Variants in MMP24 observed in about 807,000 individuals in gnomAD.
MMP24 encodes matrix metallopeptidase 24.
A neutral mutation model predicts 62.8 loss-of-function variants in MMP24; 25 were observed. The ratio of observed to expected loss-of-function variants is 0.40; its 90% CI spans 0.29 to 0.56. MMP24 has a LOEUF of 0.56. Among genes scored for constraint, MMP24 ranks in the 20% least tolerant of loss-of-function variants. The probability of loss-of-function intolerance (pLI) is 0.50; values close to 1 mark genes in which losing one functional copy is unlikely to be tolerated. For missense variants in MMP24, 634 were observed against 853.6 expected (o/e 0.74, Z 3.21); for synonymous variants, 319 against 350.5 (o/e 0.91, Z 1.00).
chr20:35,274,110 G>A lies in MMP24; in HGVS notation c.1601-162G>A, dbSNP rs972642657. 3.3e-5 allele frequency among the ~76,000 whole-genome samples: 5 copies of A among 152,160 alleles called. No individual in the cohort carries two copies. The highest frequency in any genetic ancestry group is 1.2e-4 in the African/African-American group (5 of 41,446). ...CTCCAGGTCCCGGGTGCCCCCCTCT[G>A]CAGCTTCTTACTCCATGACTCAGCC... On this transcript the variant is annotated intron_variant, in intron 8 of 8. Transcript: ENST00000246186. This position sits in a 1 kb window ranked among gnomAD's most constrained non-coding sequence, Gnocchi z 5.1.
chr20:35,254,516 T>A lies in MMP24; in HGVS notation c.579T>A (p.Asp193Glu). The change falls in exon 4 of 9, where the codon GAT becomes GAA. Residue 193 changes from aspartate (D) to glutamate (E), a missense_variant. This residue lies in a region of MMP24 where 212 missense variants were observed against 259.6 expected (regional missense o/e 0.82). Coordinates refer to ENST00000246186, the MANE Select transcript of MMP24 (RefSeq NM_006690.4). ...GGAAAGCTATTCGCCAGGCTTTCGA[T>A]GTGTGGCAGAAGGTGACCCCACTGA... ...DTRKAIRQAFDVWQKVTPLTF... is the reference protein window; with the variant it reads ...DTRKAIRQAFEVWQKVTPLTF... 1 of 1,614,062 alleles carries A rather than the reference T, an allele frequency of 6.2e-7. No individual in the cohort carries two copies. Among genetic ancestry groups the A allele is most frequent in the Non-Finnish European group, 8.5e-7 (1 of 1,179,900 alleles).
intron 2 of MMP24, among the ~76,000 whole-genome samples, chr20:35,249,992 C>A (rs562003569): frequency 1.3e-5 from 2 of 152,020 alleles, no homozygotes; most frequent in African/African-American, 4.8e-5. Context: ...AGGTCTGACT[C>A]CCCTCACCCA....
At chr20:35,253,141 T>G (rs979828445) in intron 3 of MMP24, among the ~76,000 whole-genome samples, 5 of 152,178 alleles carry the variant, frequency 3.3e-5, no homozygotes, top group Non-Finnish European at 4.4e-5. Flanking sequence ...GGGTGCTGGC[T>G]GGCACTTCTC....
At position 35,266,175 on chromosome 20, in the gene MMP24, T is replaced by TTA. The variant is rs771720633; in HGVS notation, c.980-1030_980-1029insTA. Among the ~76,000 whole-genome samples, 340 of 43,036 alleles carry TTA rather than the reference T, an allele frequency of 7.9e-3. 12 individuals carry two copies. Among genetic ancestry groups the TTA allele is most frequent in the African/African-American group, 0.033 (321 of 9,848 alleles). The allele number at this position is 43,036 out of a possible 152,430, so 28.2% of individuals were successfully genotyped here. On this transcript the variant is annotated intron_variant, in intron 5 of 8. Transcript: ENST00000246186. ...CAACATGGTGAAACCCCATCTCTGCTAAAAAAAAAAAAAAAAAAAAAAAAA... is the reference window on the plus strand; with the variant it reads ...CAACATGGTGAAACCCCATCTCTGCTTAAAAAAAAAAAAAAAAAAAAAAAAAA...
chr20:35,272,040 G>T, intron 8 of MMP24: 2 of 621,754 alleles, frequency 3.2e-6, no homozygotes, highest in South Asian at 4.0e-5. Context: ...CTGCAGGAAT[G>T]ATTCACGGCA....
intron 6 of MMP24, chr20:35,268,081 T>C (rs1348556631): frequency 6.6e-6 from 1 of 152,444 alleles, no homozygotes; most frequent in East Asian, 1.9e-4. Flanking sequence ...AGAGGTTAAG[T>C]GGCAACAGAG....
intron 4 of MMP24, among the ~76,000 whole-genome samples, chr20:35,260,745 T>C (rs2060598361): frequency 6.6e-6 from 1 of 152,204 alleles, no homozygotes; most frequent in African/African-American, 2.4e-5. Flanking sequence ...CCATCCCCCT[T>C]CCTTTCCGTT....
At chr20:35,259,347 C>T (rs1323724640) in intron 4 of MMP24, among the ~76,000 whole-genome samples, 1 of 152,108 alleles carries the variant, frequency 6.6e-6, no homozygotes, top group Non-Finnish European at 1.5e-5. Flanking sequence ...GTGCTTTTGG[C>T]GCTGTTCCAT....
rs150950150 is a variant in MMP24 at position 35,273,859 on chromosome 20, G to A, written c.1601-413G>A. On this transcript the variant is annotated intron_variant, in intron 8 of 8. Coordinates refer to ENST00000246186, the MANE Select transcript of MMP24 (RefSeq NM_006690.4). ...CAGAGAGGTCTTGCTGTCAACACAA[G>A]GTGAAATCTTGCTCCCTGCCTCCCT... Among the ~76,000 whole-genome samples the A allele has an allele frequency of 1.6e-4, 24 of 152,342 alleles. No individual in the cohort carries two copies. In the East Asian group the frequency reaches 3.7e-3, roughly 23 times the overall value.
chr20:35,228,506 C>T (rs1292632992), intron 1 of MMP24, among the ~76,000 whole-genome samples: 2 of 152,064 alleles, frequency 1.3e-5, no homozygotes, highest in Admixed American at 1.3e-4. Flanking sequence ...GTGGAAAGAC[C>T]CTGGCCTGGG....
chr20:35,261,760 T>C (rs2060603971), intron 4 of MMP24, among the ~76,000 whole-genome samples: 1 of 151,596 alleles, frequency 6.6e-6, no homozygotes, highest in Admixed American at 6.6e-5. Context: ...ACTTGCTCTC[T>C]TTGTCCCCAC....
intron 2 of MMP24, among the ~76,000 whole-genome samples, chr20:35,247,274 A>C (rs1330161755): frequency 6.6e-6 from 1 of 152,172 alleles, no homozygotes; most frequent in Non-Finnish European, 1.5e-5. Context: ...ATGGGGTCTT[A>C]AATCCCCTCT....
chr20:35,233,069 C>A (rs894046124), intron 1 of MMP24, among the ~76,000 whole-genome samples: 1 of 152,158 alleles, frequency 6.6e-6, no homozygotes, highest in East Asian at 1.9e-4. Flanking sequence ...AATTTAAAGA[C>A]TCAATTCTAT....
chr20:35,247,112 A>G, intron 2 of MMP24, 124 bp downstream of exon 2: 1 of 1,156,868 alleles, frequency 8.6e-7, no homozygotes. Context: ...CTGCAGTGCC[A>G]TCCTGGGAAA....
intron 1 of MMP24, among the ~76,000 whole-genome samples, chr20:35,236,529 A>G (rs1568609621): frequency 6.6e-6 from 1 of 152,220 alleles, no homozygotes; most frequent in Non-Finnish European, 1.5e-5. Context: ...TTATATGGGT[A>G]GAGGAGGAAG....
intron 1 of MMP24, among the ~76,000 whole-genome samples, chr20:35,238,752 A>G (rs1005191132): frequency 1.3e-5 from 2 of 152,144 alleles, no homozygotes; most frequent in Non-Finnish European, 2.9e-5. Flanking sequence ...CACCTGCTCA[A>G]AGAGATTGTC....
At chr20:35,268,236 A>C (rs927906510) in intron 6 of MMP24, among the ~76,000 whole-genome samples, 2 of 152,176 alleles carry the variant, frequency 1.3e-5, no homozygotes, top group African/African-American at 4.8e-5. Flanking sequence ...CCAGTGACTG[A>C]GGAGAGCTCT....
chr20:35,252,062 C>A (rs1221977559), intron 3 of MMP24, 41 bp downstream of exon 3: 10 of 1,488,270 alleles, frequency 6.7e-6, no homozygotes, highest in African/African-American at 2.8e-5. Flanking sequence ...TTTGGCTCCA[C>A]CCTCACTCTG....
intron 4 of MMP24, among the ~76,000 whole-genome samples, chr20:35,260,573 G>A (rs1001293820): frequency 2.0e-5 from 3 of 152,228 alleles, no homozygotes; most frequent in East Asian, 1.9e-4. Flanking sequence ...GCTGCCTTCC[G>A]CTGGCTCTAC....
Sources: allele counts gnomAD v4.1 joint callset (sites outside exome capture counted in the v4.1 genomes callset), GRCh38; gene constraint gnomAD v4.1.1; regional missense constraint gnomAD v4.1.1; non-coding constraint Gnocchi (gnomAD v3.1); transcripts MANE v1.5; gene names NCBI Gene and HGNC (gene_info 2026-07-23, HGNC 2026-07-21).